Variants in TBC1D2 observed in about 807,000 individuals in gnomAD.
The protein encoded by TBC1D2 is TBC1 domain family member 2A.
Under a neutral mutation model 91.1 loss-of-function variants are expected in TBC1D2, and 58 were observed. The ratio of observed to expected loss-of-function variants is 0.64; its 90% confidence interval spans 0.52 to 0.79. The LOEUF (loss-of-function observed/expected upper bound fraction) is 0.79. Among genes scored for constraint, TBC1D2 ranks in the 30% least tolerant of loss-of-function variants. The probability of loss-of-function intolerance (pLI) is 0.00; values close to 1 mark genes in which losing one functional copy is unlikely to be tolerated. For synonymous variants in TBC1D2, 482 were observed against 511.5 expected, an observed-to-expected ratio of 0.94 and a Z score of 0.78; for missense variants, 1,080 against 1,208.3, an observed-to-expected ratio of 0.89 and a Z score of 1.57.
chr9:98,208,494 C>T lies in TBC1D2; in HGVS notation c.2150+174G>A, dbSNP rs56172935. Among the ~76,000 whole-genome samples the T allele has an allele frequency of 6.6e-5, 10 of 152,302 alleles. 1 individual carries two copies. The highest frequency in any genetic ancestry group is 2.0e-4 in the Admixed American group (3 of 15,290). ...CGCTCCTGTGAGAATCTAATGCTGC[C>T]GCTGATCTGACAGGAGGCAGAGCTC... On this transcript the variant is annotated intron_variant, in intron 9 of 12. Coordinates refer to ENST00000465784, the MANE Select transcript of TBC1D2 (RefSeq NM_001267571.2).
At chr9:98,220,042 G>T (rs926138495) in intron 6 of TBC1D2, among the ~76,000 whole-genome samples, 2 of 152,158 alleles carry the variant, frequency 1.3e-5, no homozygotes, top group Non-Finnish European at 2.9e-5. Context: ...TGGTCCCTGT[G>T]GGGTGGGGAA....
chr9:98,201,369 G>C (rs1828495858), intron 11 of TBC1D2, 110 bp downstream of exon 11: 1 of 1,024,448 alleles, frequency 9.8e-7, no homozygotes, highest in Non-Finnish European at 1.4e-6. Context: ...ACGTTCAACA[G>C]CTCTGACAAG....
intron 11 of TBC1D2, 24 bp downstream of exon 11, chr9:98,201,455 G>C (rs933449740): frequency 6.2e-7 from 1 of 1,606,674 alleles, no homozygotes; most frequent in Admixed American, 1.7e-5. Context: ...GGGGCCCCCT[G>C]CCCATCCCCT....
chr9:98,224,153 C>T (rs1350821494), intron 5 of TBC1D2, among the ~76,000 whole-genome samples: 1 of 147,796 alleles, frequency 6.8e-6, no homozygotes, highest in Non-Finnish European at 1.5e-5. Context: ...GCTGAGATCG[C>T]ACCACTGCAC....
chr9:98,207,847 A>C (rs1377115371), intron 9 of TBC1D2, among the ~76,000 whole-genome samples: 1 of 152,214 alleles, frequency 6.6e-6, no homozygotes, highest in African/African-American at 2.4e-5. Context: ...CTGTGGCATG[A>C]AGGCTGCCCC....
chr9:98,216,608 C>T lies in TBC1D2; in HGVS notation c.1375-3390G>A, dbSNP rs149844458. Among the ~76,000 whole-genome samples the T allele has an allele frequency of 2.6e-4, 39 of 152,330 alleles. No individual in the cohort carries two copies. The East Asian group carries it at 6.2e-3, about 24-fold the overall frequency. Reference sequence around the variant, plus strand: ...GTAGAGAAAGCAGACCCAGCTCTGGCGCTGGCCACTGCTCCACACCACTGG... The same window carrying T: ...GTAGAGAAAGCAGACCCAGCTCTGGTGCTGGCCACTGCTCCACACCACTGG... On this transcript the variant is annotated intron_variant, in intron 6 of 12. Coordinates refer to ENST00000465784, the MANE Select transcript of TBC1D2 (RefSeq NM_001267571.2).
chr9:98,224,153 C>G (rs1350821494), intron 5 of TBC1D2, among the ~76,000 whole-genome samples: 1 of 147,796 alleles, frequency 6.8e-6, no homozygotes. Flanking sequence ...GCTGAGATCG[C>G]ACCACTGCAC....
chr9:98,201,335 T>G, intron 11 of TBC1D2, 144 bp downstream of exon 11: 1 of 712,854 alleles, frequency 1.4e-6, no homozygotes, highest in Non-Finnish European at 2.3e-6. Flanking sequence ...CAAAGCATTT[T>G]GCAGTTGACA....
Position 98,201,579 on chromosome 9 carries a change from G to C in TBC1D2, c.2357C>G (p.Ser786Cys), listed in dbSNP as rs1405066935. Residue 786 changes from serine (S) to cysteine (C), a missense_variant, in exon 11 of 13, where the codon TCC becomes TGC. Physicochemically the swap from Ser to Cys is moderately radical, Grantham distance 112. Coordinates refer to ENST00000465784, the MANE Select transcript of TBC1D2 (RefSeq NM_001267571.2). Reference sequence around the variant, plus strand: ...GAGGAACCAGTTGAAGGTGACGAGGGAGAGATCCACGTGGTGCTGCCCCAG... The same window carrying C: ...GAGGAACCAGTTGAAGGTGACGAGGCAGAGATCCACGTGGTGCTGCCCCAG... ...AHLGQHHVDL[S>C]LVTFNWFLVV... is the part of the protein sequence containing the mutation. 6.2e-7 allele frequency: 1 copy of C among 1,614,160 alleles called. No individual in the cohort carries two copies. Among genetic ancestry groups the C allele is most frequent in the South Asian group, 1.1e-5 (1 of 91,084 alleles).
At chr9:98,216,375 C>T (rs966185119) in intron 6 of TBC1D2, among the ~76,000 whole-genome samples, 3 of 152,258 alleles carry the variant, frequency 2.0e-5, no homozygotes, top group Middle Eastern at 3.4e-3. Context: ...TACAACAAGC[C>T]CCCCCGCAAG....
At chr9:98,234,969 G>C (rs760459234) in intron 3 of TBC1D2, 15 of 169,080 alleles carry the variant, frequency 8.9e-5, no homozygotes, top group Non-Finnish European at 1.7e-4. Context: ...ACTTTGGGAG[G>C]CTGAGGTGGG....
chr9:98,219,414 T>C (rs1393720115), intron 6 of TBC1D2, among the ~76,000 whole-genome samples: 1 of 152,242 alleles, frequency 6.6e-6, no homozygotes, highest in African/African-American at 2.4e-5. Context: ...AGTTCTTTGA[T>C]AGAGTAGCAT....
intron 4 of TBC1D2, among the ~76,000 whole-genome samples, chr9:98,229,803 C>T (rs1249495798): frequency 6.6e-6 from 1 of 152,198 alleles, no homozygotes; most frequent in African/African-American, 2.4e-5. Context: ...CCACAGCCTG[C>T]TTTTACAAAT....
At chr9:98,238,731 T>TTTTTTTG (rs1053772269) in intron 3 of TBC1D2, among the ~76,000 whole-genome samples, 1 of 136,630 alleles carries the variant, frequency 7.3e-6, no homozygotes, top group South Asian at 2.1e-4. Flanking sequence ...TTCTACTTGT[T>TTTTTTTG]TTTTTTGTTT....
At chr9:98,200,210 GGT>G in intron 12 of TBC1D2, 41 bp downstream of exon 12, 1 of 1,610,760 alleles carries the variant, frequency 6.2e-7, no homozygotes. Flanking sequence ...TGTCCTTGGG[GGT>G]GTGTGAGTGG....
chr9:98,204,607 A>G (rs1181287348), intron 9 of TBC1D2, among the ~76,000 whole-genome samples: 1 of 152,184 alleles, frequency 6.6e-6, no homozygotes, highest in Non-Finnish European at 1.5e-5. Flanking sequence ...TGAGGCTCAC[A>G]ACTCTTAGAA....
rs1563994482 is a variant in TBC1D2, at chr9:98,255,456, G to A, written c.86C>T (p.Pro29Leu). 6 of 1,597,776 alleles carry A rather than the reference G, an allele frequency of 3.8e-6. No homozygotes were observed. The highest frequency in any genetic ancestry group is 5.1e-6 in the Non-Finnish European group (6 of 1,170,174). Residue 29 changes from proline (P) to leucine (L), a missense_variant, in exon 1 of 13, where the codon CCT (proline) becomes CTT (leucine). By Grantham distance (98) the Pro-to-Leu change is moderately conservative (BLOSUM62 -3). Coordinates refer to ENST00000465784, the MANE Select transcript of TBC1D2 (RefSeq NM_001267571.2). ...GCAGTCCCCCGATTCTTCCTCCGGAGGCGGCACCTGTGGATCCCTGGCAGA... is the reference window on the plus strand; with the variant it reads ...GCAGTCCCCCGATTCTTCCTCCGGAAGCGGCACCTGTGGATCCCTGGCAGA... ...EESARDPQVP[P>L]PEEESGDCAR...
At chr9:98,220,228 C>G (rs1278095436) in intron 6 of TBC1D2, among the ~76,000 whole-genome samples, 5 of 152,194 alleles carry the variant, frequency 3.3e-5, no homozygotes, top group African/African-American at 1.2e-4. Flanking sequence ...GGCTCCTTAA[C>G]CTTTCTCAGC....
Position 98,251,818 on chromosome 9 carries a change from C to T in TBC1D2, c.478G>A (p.Ala160Thr), listed in dbSNP as rs774036785. 4 of 1,602,572 alleles carry T rather than the reference C, an allele frequency of 2.5e-6. No individual in the cohort carries two copies. The highest frequency in any genetic ancestry group is 2.3e-5 in the East Asian group (1 of 43,668). Reference sequence around the variant, plus strand: ...AGGTGCAGGACGGGCCCATTCCCAGCCAGGGCGGCATCAGGGGTGGCAGGA... The same window carrying T: ...AGGTGCAGGACGGGCCCATTCCCAGTCAGGGCGGCATCAGGGGTGGCAGGA... Reference protein sequence around the residue: ...APPATPDAALAGNGPVLHLEL... With the variant: ...APPATPDAALTGNGPVLHLEL... Residue 160 changes from alanine to threonine, a missense_variant, in exon 2 of 13, where the codon GCT (alanine) becomes ACT (threonine). By Grantham distance (58) the Ala-to-Thr change is moderately conservative (BLOSUM62 0). Coordinates refer to ENST00000465784, the MANE Select transcript of TBC1D2 (RefSeq NM_001267571.2).
Sources: gnomAD v4.1 joint callset for allele counts (sites outside exome capture counted in the v4.1 genomes callset) on GRCh38, gnomAD v4.1.1 for gene constraint, MANE v1.5 for transcripts, NCBI Gene and HGNC (gene_info 2026-07-23, HGNC 2026-07-21) for gene names.